PABIR2: variants seen among roughly 807,000 people sequenced by gnomAD.
PABIR2 encodes PABIR family member 2, also known as family with sequence similarity 122B.
PABIR2 carries 7 observed loss-of-function variants against 22.8 expected under a neutral mutation model. That is an observed-to-expected ratio of 0.31 (90% CI 0.17 to 0.58). The LOEUF (loss-of-function observed/expected upper bound fraction) is 0.58. Among genes scored for constraint, PABIR2 ranks in the 20% least tolerant of loss-of-function variants. The pLI is 0.89. For synonymous variants in PABIR2, 67 were observed against 73.8 expected, an observed-to-expected ratio of 0.91 and a Z score of 0.47; for missense variants, 155 against 205.1, an observed-to-expected ratio of 0.76 and a Z score of 1.49.
chrX:134,789,555 A>G (rs2079486535), intron 3 of PABIR2, 25 bp downstream of exon 3: 9 of 1,141,086 alleles, frequency 7.9e-6, no homozygotes, highest in Non-Finnish European at 7.0e-6. Context: ...AAAATTTCCA[A>G]TCTGAGCTAG....
rs1206643198 is a variant in PABIR2, at chrX:134,786,054, A to G, written c.498-104T>C. On this transcript the variant is annotated intron_variant, in intron 7 of 9. Coordinates refer to ENST00000343004, the MANE Select transcript of PABIR2 (RefSeq NM_001387468.1). ...CATAAATAAAATGGACAATCTTATC[A>G]ATGACTGAAATGGAAAATTCTTCTG... 7 of 723,035 alleles carry G rather than the reference A, an allele frequency of 9.7e-6. No individual in the cohort carries two copies. The African/African-American group carries it at 1.1e-4, about 11-fold the overall frequency. 59.6% of individuals were successfully genotyped at this position (723,035 alleles called of 1,213,427 possible). A position where few individuals can be genotyped will look rare whatever the true frequency, so the allele number is the denominator to read the frequency against.
At chrX:134,794,104 G>C in intron 1 of PABIR2, 2 of 648,717 alleles carry the variant, frequency 3.1e-6, no homozygotes, top group Non-Finnish European at 3.7e-6. Flanking sequence ...CAGAGATACT[G>C]ATCTCAGTGG....
chrX:134,779,122 T>C (rs764687061), intron 9 of PABIR2, among the ~76,000 whole-genome samples: 3 of 111,428 alleles, frequency 2.7e-5, no homozygotes, highest in Admixed American at 1.9e-4. Flanking sequence ...CCACAACAGC[T>C]TTTTACGTTT....
intron 2 of PABIR2, 124 bp downstream of exon 2, chrX:134,793,691 C>G: frequency 1.1e-6 from 1 of 874,289 alleles, no homozygotes; most frequent in Non-Finnish European, 1.6e-6. Flanking sequence ...CAGTAAACAA[C>G]ATAGGTAAAA....
Position 134,787,491 on chromosome X carries a change from T to A in PABIR2, c.478A>T (p.Ser160Cys). Reference protein sequence around the residue: ...SSGLPPSPVPSPRRFSSRRSQ... With the variant: ...SSGLPPSPVPCPRRFSSRRSQ... ...GCTTACCTTGAAAATCGTCTTGGAC[T>A]GGGAACTGGACTTGGTGGCAATCCA... Residue 160 changes from serine (S) to cysteine (C), a missense_variant, in exon 7 of 10, where the codon AGT (serine) becomes TGT (cysteine). By Grantham distance (112) the Ser-to-Cys change is moderately radical. Transcript: ENST00000343004. 1 of 1,210,675 alleles carries A rather than the reference T, an allele frequency of 8.3e-7. No individual in the cohort carries two copies. The highest frequency in any genetic ancestry group is 1.1e-6 in the Non-Finnish European group (1 of 894,840).
intron 3 of PABIR2, 124 bp from the exon 4 acceptor site, chrX:134,789,390 C>T (rs547436971): frequency 3.2e-6 from 3 of 933,975 alleles, no homozygotes; most frequent in South Asian, 4.2e-5. Flanking sequence ...CTTTTTCTAC[C>T]TCATTGACAT....
At chrX:134,787,409 T>C in intron 7 of PABIR2, 63 bp downstream of exon 7, 2 of 1,117,589 alleles carry the variant, frequency 1.8e-6, no homozygotes, top group Non-Finnish European at 2.5e-6. Flanking sequence ...CACAAAAAGC[T>C]AATCTGAGAG....
intron 7 of PABIR2, 131 bp downstream of exon 7, chrX:134,787,341 C>T: frequency 1.8e-6 from 1 of 547,863 alleles, no homozygotes; most frequent in Non-Finnish European, 3.0e-6. Flanking sequence ...CTCAGGTAAT[C>T]CACCAGCCTC....
chrX:134,793,689 A>C, intron 2 of PABIR2, 126 bp downstream of exon 2: 1 of 864,628 alleles, frequency 1.2e-6, no homozygotes, highest in Non-Finnish European at 1.7e-6. Flanking sequence ...AGCAGTAAAC[A>C]ACATAGGTAA....
chrX:134,785,926 C>T lies in PABIR2; in HGVS notation c.522G>A (p.Lys174=). Residue 174 remains lysine (K), a synonymous_variant, in exon 8 of 10, where the codon AAG becomes AAA. Transcript: ENST00000343004. ...FSSRRSQSPV[K]CIRPSVLGPL... ...GACCAAGAACACTGGGTCTAATGCA[C>T]TTGACTGGACTCTGACTTCTCCTGC... is the stretch of plus-strand genomic sequence containing the variant. 8.3e-7 allele frequency: 1 copy of T among 1,211,364 alleles called. No individual in the cohort carries two copies. Among genetic ancestry groups the T allele is most frequent in the Non-Finnish European group, 1.1e-6 (1 of 895,191 alleles).
chrX:134,793,732 T>C lies in PABIR2; in HGVS notation c.177+83A>G, dbSNP rs1345913866. On this transcript the variant is annotated intron_variant, in intron 2 of 9. Transcript: ENST00000343004. ...CTTTTCTTTCTTAAACAATTGTGCA[T>C]AGCACATCATTTTAAGAAAGAACTC... 45 of 1,016,884 alleles carry C rather than the reference T, an allele frequency of 4.4e-5. No homozygotes were observed. The Admixed American group carries it at 9.9e-4, about 22-fold the overall frequency. The allele number at this position is 1,016,884 out of a possible 1,213,427, so 83.8% of individuals were successfully genotyped here.
In PABIR2 at chrX:134,796,491, A is replaced by G. The variant is rs1603097859; in HGVS notation, c.-286T>C. 1 of 270,034 alleles carries G rather than the reference A, an allele frequency of 3.7e-6. No homozygotes were observed. Among genetic ancestry groups the G allele is most frequent in the East Asian group, 6.5e-5 (1 of 15,320 alleles). 22.3% of individuals were successfully genotyped at this position (270,034 alleles called of 1,213,427 possible). ...AGAATGAAGGAAAAGGATGAAGGAA[A>G]GAAGGATGGAGGGAAAACAAGGATG... On this transcript the variant is annotated 5_prime_UTR_variant, in exon 1 of 10. Coordinates refer to ENST00000343004, the MANE Select transcript of PABIR2 (RefSeq NM_001387468.1).
intron 5 of PABIR2, 60 bp from the exon 6 acceptor site, chrX:134,788,891 CT>C: frequency 2.8e-6 from 3 of 1,058,728 alleles, no homozygotes; most frequent in Non-Finnish European, 2.6e-6. Flanking sequence ...CTCTTACTTA[CT>C]ACTATAACAC....
At chrX:134,785,828 G>C (rs2079299273) in intron 8 of PABIR2, 58 bp downstream of exon 8, 1 of 1,074,390 alleles carries the variant, frequency 9.3e-7, no homozygotes, top group African/African-American at 1.8e-5. Flanking sequence ...TACTTTCTTA[G>C]CAAATTTCAA....
Position 134,793,897 on chromosome X carries a change from A to T in PABIR2, c.99-4T>A. On this transcript the variant is annotated splice_polypyrimidine_tract_variant and splice_region_variant and intron_variant, in intron 1 of 9. Coordinates refer to ENST00000343004, the MANE Select transcript of PABIR2 (RefSeq NM_001387468.1). ...TTGGAAAACCTGTGAAAGGTCACTG[A>T]AAAAAACAAAAACAAACAAACAAAA... 1 of 1,198,335 alleles carries T rather than the reference A, an allele frequency of 8.3e-7. No individual in the cohort carries two copies. The highest frequency in any genetic ancestry group is 1.8e-5 in the South Asian group (1 of 54,786).
intron 9 of PABIR2, among the ~76,000 whole-genome samples, chrX:134,778,505 A>C (rs1485855657): frequency 1.2e-5 from 1 of 84,747 alleles, no homozygotes; most frequent in Non-Finnish European, 2.2e-5. Flanking sequence ...ACTCCGTCTC[A>C]AAAAAAAAAA....
At chrX:134,791,599 G>A (rs1181250436) in intron 2 of PABIR2, 4 of 327,603 alleles carry the variant, frequency 1.2e-5, no homozygotes, top group African/African-American at 5.3e-5. Flanking sequence ...ATGATAGACC[G>A]AGCAAAGCAA....
Position 134,789,358 on chromosome X carries a change from T to C in PABIR2, c.235-92A>G, listed in dbSNP as rs150146844. Reference sequence around the variant, plus strand: ...TGCAATTTTTATCCACATAGTTCTCTGCTTCAAATAAAATAAAAAGACTTT... The same window carrying C: ...TGCAATTTTTATCCACATAGTTCTCCGCTTCAAATAAAATAAAAAGACTTT... On this transcript the variant is annotated intron_variant, in intron 3 of 9. Transcript: ENST00000343004. 7,987 of 1,090,852 alleles carry C rather than the reference T, an allele frequency of 7.3e-3. 23 individuals carry two copies. The highest frequency in any genetic ancestry group is 9.1e-3 in the Non-Finnish European group (7,190 of 790,921). The allele number at this position is 1,090,852 out of a possible 1,213,427, so 89.9% of individuals were successfully genotyped here.
Position 134,771,273 on chromosome X carries a change from G to T in PABIR2, c.*866C>A. The T allele has an allele frequency of 8.7e-7, 1 of 1,148,234 alleles. No individual in the cohort carries two copies. Among genetic ancestry groups the T allele is most frequent in the South Asian group, 1.9e-5 (1 of 51,358 alleles). The allele number at this position is 1,148,234 out of a possible 1,213,427, so 94.6% of individuals were successfully genotyped here. A position where few individuals can be genotyped will look rare whatever the true frequency, so the allele number is the denominator to read the frequency against. ...TGGACGCTTTTGTACACAGTGGTTT[G>T]TGTGTAAATAACTATTCATTCATTT... is the stretch of plus-strand genomic sequence containing the variant. On this transcript the variant is annotated 3_prime_UTR_variant, in exon 10 of 10. Coordinates refer to ENST00000343004, the MANE Select transcript of PABIR2 (RefSeq NM_001387468.1).
Sources: gnomAD v4.1 joint callset for allele counts (sites outside exome capture counted in the v4.1 genomes callset) on GRCh38, gnomAD v4.1.1 for gene constraint, MANE v1.5 for transcripts, NCBI Gene and HGNC (gene_info 2026-07-23, HGNC 2026-07-21) for gene names.